Variants in PAICS observed in about 807,000 individuals in gnomAD.
The protein encoded by PAICS is phosphoribosylaminoimidazole carboxylase and phosphoribosylaminoimidazolesuccinocarboxamide synthase, also known as bifunctional phosphoribosylaminoimidazole carboxylase/phosphoribosylaminoimidazole succinocarboxamide synthetase.
PAICS carries 33 observed loss-of-function variants against 53.7 expected under a neutral mutation model. The ratio of observed to expected loss-of-function variants is 0.61; its 90% CI spans 0.47 to 0.82. The LOEUF (loss-of-function observed/expected upper bound fraction) is 0.82, where lower values mean the gene tolerates loss of function less well. PAICS is among the 40% of genes least tolerant of loss of function. The pLI, the probability that PAICS is intolerant of heterozygous loss-of-function variation, is 0.00. For missense variants in PAICS, 394 were observed against 494.1 expected, an observed-to-expected ratio of 0.80 and a Z score of 1.92; for synonymous variants, 141 against 167.2, an observed-to-expected ratio of 0.84 and a Z score of 1.21.
Position 56,436,340 on chromosome 4 carries a change from G to T in PAICS, c.16+12G>T, listed in dbSNP as rs543734641. On this transcript the variant is annotated intron_variant, in intron 1 of 8. Transcript: ENST00000512576. ...GGCGACAGCTGAGGGTGAGTAACAG[G>T]GATCCGGGCCCTTCACGGTCTCCCT... is the stretch of plus-strand genomic sequence containing the variant. 9.5e-6 allele frequency: 15 copies of T among 1,581,576 alleles called. No individual in the cohort carries two copies. Among genetic ancestry groups the T allele is most frequent in the Admixed American group, 3.4e-5 (2 of 58,558 alleles).
chr4:56,413,902 T>C, the PAICS span, among the ~76,000 whole-genome samples: 6 of 152,092 alleles, frequency 3.9e-5, no homozygotes, highest in African/African-American at 7.2e-5. Flanking sequence ...TATCTCAAAA[T>C]AAATAAATTA....
At chr4:56,423,677 C>T in the PAICS span, among the ~76,000 whole-genome samples, 3 of 150,730 alleles carry the variant, frequency 2.0e-5, no homozygotes, top group Admixed American at 1.3e-4. Flanking sequence ...TTTTGTTTGG[C>T]ATGTTTGCAT....
At chr4:56,435,432 C>T (rs1329521516), upstream of PAICS, 1 of 1,613,834 alleles carries the variant, frequency 6.2e-7, no homozygotes, top group Non-Finnish European at 8.5e-7. Flanking sequence ...GCGATGCACC[C>T]GAACACGCCA....
Position 56,446,864 on chromosome 4 carries a change from G to C in PAICS, c.384G>C (p.Leu128Phe), listed in dbSNP as rs1314694332. 6.3e-7 allele frequency: 1 copy of C among 1,595,710 alleles called. No individual in the cohort carries two copies. The change falls in exon 3 of 9, where the codon TTG becomes TTC. Residue 128 changes from leucine to phenylalanine, a missense_variant. Leu to Phe is a conservative substitution (Grantham distance 22). Around this residue, in one of 3 missense-constraint regions of PAICS, gnomAD observed 168 missense variants for 199.3 expected, o/e 0.84. Transcript: ENST00000512576. ...GYKFYPPKVE[L>F]FFKDDANNDP... ...AGTTTTACCCACCTAAAGTGGAGTT[G>C]TTTTTCAAGGTAATTATCTTATGCC...
At chr4:56,453,357 T>C (rs1209461226) in intron 7 of PAICS, among the ~76,000 whole-genome samples, 1 of 152,142 alleles carries the variant, frequency 6.6e-6, no homozygotes, top group Non-Finnish European at 1.5e-5. Flanking sequence ...CCCTTTATAA[T>C]GTAGATCTCA....
At chr4:56,428,939 G>A in the PAICS span, 1 of 942,794 alleles carries the variant, frequency 1.1e-6, no homozygotes. Flanking sequence ...TTTTATTTAA[G>A]AATTATTTGA....
chr4:56,412,079 C>T, the PAICS span, among the ~76,000 whole-genome samples: 1 of 152,120 alleles, frequency 6.6e-6, no homozygotes, highest in Non-Finnish European at 1.5e-5. Context: ...ATAAGTAAAT[C>T]ACTTAGCTTC....
chr4:56,446,639 C>T (rs1045011513), intron 2 of PAICS, 56 bp from the exon 3 acceptor site: 3 of 1,072,934 alleles, frequency 2.8e-6, no homozygotes, highest in African/African-American at 3.2e-5. Flanking sequence ...TGCCTCAGAT[C>T]TACCTTTTTA....
the PAICS span, among the ~76,000 whole-genome samples, chr4:56,411,810 CA>C: frequency 6.6e-6 from 1 of 152,160 alleles, no homozygotes; most frequent in East Asian, 1.9e-4. Context: ...ATAAAAGTAC[CA>C]AATGTGAATG....
the PAICS span, among the ~76,000 whole-genome samples, chr4:56,426,588 T>C: frequency 0.026 from 4,008 of 152,284 alleles, 152 homozygotes; most frequent in East Asian, 0.2. Context: ...ATCCACGTTG[T>C]AGCATATATC....
the PAICS span, chr4:56,416,398 T>C: frequency 3.3e-6 from 3 of 905,604 alleles, no homozygotes; most frequent in Non-Finnish European, 2.6e-6. Context: ...TCTCAGGAAA[T>C]CCTTTACTTC....
chr4:56,416,718 T>C, the PAICS span, among the ~76,000 whole-genome samples: 4 of 152,194 alleles, frequency 2.6e-5, no homozygotes, highest in African/African-American at 7.2e-5. Flanking sequence ...GTAATGAACA[T>C]GATCACTTTA....
the PAICS span, among the ~76,000 whole-genome samples, chr4:56,417,565 G>C: frequency 6.6e-6 from 1 of 152,106 alleles, no homozygotes. Context: ...GGGATCACTT[G>C]AGACCAGGAG....
At chr4:56,417,839 TTTG>T in the PAICS span, among the ~76,000 whole-genome samples, 1 of 96,582 alleles carries the variant, frequency 1.0e-5, no homozygotes, top group African/African-American at 3.7e-5. Flanking sequence ...GATTTGGTTT[TTTG>T]TTTTTTTTTT....
chr4:56,434,316 GC>G (rs1360500060), upstream of PAICS, among the ~76,000 whole-genome samples: 1 of 152,166 alleles, frequency 6.6e-6, no homozygotes, highest in African/African-American at 2.4e-5. Flanking sequence ...CTTTTGGAAT[GC>G]GTTTATACGT....
the PAICS span, among the ~76,000 whole-genome samples, chr4:56,430,508 G>A: frequency 1.0e-2 from 1,516 of 152,180 alleles, 12 homozygotes; most frequent in Non-Finnish European, 0.015. Context: ...AATATACTTA[G>A]ATGTACATTA....
intron 1 of PAICS, among the ~76,000 whole-genome samples, chr4:56,438,001 C>T (rs1718110814): frequency 6.6e-6 from 1 of 151,800 alleles, no homozygotes; most frequent in Non-Finnish European, 1.5e-5. Context: ...CATTTGTGTA[C>T]CGTTGGCAGG....
At chr4:56,444,153 T>G (rs558102937) in intron 2 of PAICS, among the ~76,000 whole-genome samples, 1 of 152,190 alleles carries the variant, frequency 6.6e-6, no homozygotes, top group African/African-American at 2.4e-5. Context: ...AGGTAGAAAG[T>G]AGAGAGGAAA....
chr4:56,439,189 A>AAT (rs1373687628), intron 1 of PAICS, among the ~76,000 whole-genome samples: 1 of 152,146 alleles, frequency 6.6e-6, no homozygotes, highest in Non-Finnish European at 1.5e-5. Flanking sequence ...ACTGCATATT[A>AAT]ATATATATAA....
Sources: allele counts gnomAD v4.1 joint callset (sites outside exome capture counted in the v4.1 genomes callset), GRCh38; gene constraint gnomAD v4.1.1; regional missense constraint gnomAD v4.1.1; transcripts MANE v1.5; gene names NCBI Gene and HGNC (gene_info 2026-07-23, HGNC 2026-07-21).